Variants in PIEZO2 observed in about 807,000 individuals in gnomAD.
The protein encoded by PIEZO2 is piezo type mechanosensitive ion channel component 2, also known as piezo-type mechanosensitive ion channel component 2.
In PIEZO2, 172 loss-of-function variants were observed where a neutral mutation model predicts 337.3. The observed-to-expected ratio is 0.51, with a 90% confidence interval of 0.45 to 0.58. The LOEUF is 0.58. Among genes scored for constraint, PIEZO2 ranks in the 20% least tolerant of loss-of-function variants. The pLI, the probability that PIEZO2 is intolerant of heterozygous loss-of-function variation, is 0.00. For missense variants in PIEZO2, 3,028 were observed against 3,391.3 expected, an observed-to-expected ratio of 0.89 and a Z score of 2.66; for synonymous variants, 1,251 against 1,228.5, an observed-to-expected ratio of 1.02 and a Z score of -0.38.
chr18:10,692,170 T>G (rs998062203), intron 47 of PIEZO2, among the ~76,000 whole-genome samples: 1 of 151,672 alleles, frequency 6.6e-6, no homozygotes, highest in African/African-American at 2.4e-5. Context: ...TGAAAAAAAA[T>G]AGTAGAATTA....
Position 10,850,887 on chromosome 18 carries a change from T to C in PIEZO2, c.917+4466A>G, listed in dbSNP as rs1487944553. Among the ~76,000 whole-genome samples, 1 of 152,184 alleles carries C rather than the reference T, an allele frequency of 6.6e-6. No homozygotes were observed. Among genetic ancestry groups the C allele is most frequent in the Non-Finnish European group, 1.5e-5 (1 of 68,032 alleles). Reference sequence around the variant, plus strand: ...ATGACCAAAAAACATGTGTTTAGTATAACAGTGTGACAAAAAATATCAATT... The same window carrying C: ...ATGACCAAAAAACATGTGTTTAGTACAACAGTGTGACAAAAAATATCAATT... On this transcript the variant is annotated intron_variant, in intron 7 of 55. Coordinates refer to ENST00000674853, the MANE Select transcript of PIEZO2 (RefSeq NM_001378183.1). This position sits in a 1 kb window ranked among gnomAD's most constrained non-coding sequence, Gnocchi z 4.5.
At chr18:11,018,382 C>CGTGTGTGTGTGTGTGTGTGTGTGTGT in intron 2 of PIEZO2, among the ~76,000 whole-genome samples, 1 of 114,200 alleles carries the variant, frequency 8.8e-6, no homozygotes, top group East Asian at 2.7e-4. Context: ...CCCAACATGT[C>CGTGTGTGTGTGTGTGTGTGTGTGTGT]GTGTGTGTGT....
At position 11,099,598 on chromosome 18, in the gene PIEZO2, C is replaced by T. The variant is rs1230945915; in HGVS notation, c.65-33376G>A. Among the ~76,000 whole-genome samples, 1 of 152,154 alleles carries T rather than the reference C, an allele frequency of 6.6e-6. No individual in the cohort carries two copies. Among genetic ancestry groups the T allele is most frequent in the Non-Finnish European group, 1.5e-5 (1 of 68,034 alleles). ...TCTCTGGCCTTAGCCTCCCGAGTAG[C>T]GGGGATCACAGGTGCCTGCCACCAT... On this transcript the variant is annotated intron_variant, in intron 1 of 55. Coordinates refer to ENST00000674853, the MANE Select transcript of PIEZO2 (RefSeq NM_001378183.1). This position sits in a 1 kb window ranked among gnomAD's most constrained non-coding sequence, Gnocchi z 5.4.
Position 10,797,415 on chromosome 18 carries a change from T to A in PIEZO2, c.1486A>T (p.Ile496Phe). 1 of 1,537,212 alleles carries A rather than the reference T, an allele frequency of 6.5e-7. No homozygotes were observed. The highest frequency in any genetic ancestry group is 8.7e-7 in the Non-Finnish European group (1 of 1,146,904). ...VHAMVSVFQF[I>F]MKQSYICALI... ...GCACAGATGTAACTTTGTTTCATAA[T>A]AAATTGGAATACGGAGACCATGGCA... The change falls in exon 12 of 56, where the codon ATT becomes TTT. Residue 496 changes from isoleucine to phenylalanine, a missense_variant. Physicochemically the swap from Ile to Phe is conservative, Grantham distance 21 (BLOSUM62 0). Transcript: ENST00000674853.
At chr18:10,818,180 C>T (rs1330704018) in intron 7 of PIEZO2, among the ~76,000 whole-genome samples, 2 of 152,118 alleles carry the variant, frequency 1.3e-5, no homozygotes, top group Admixed American at 1.3e-4. Flanking sequence ...CGTTCCTTGT[C>T]ATCTCTGTTC....
At chr18:11,018,386 TG>T (rs2036197378) in intron 2 of PIEZO2, among the ~76,000 whole-genome samples, 1 of 20,752 alleles carries the variant, frequency 4.8e-5, no homozygotes, top group South Asian at 1.7e-3. Context: ...ACATGTCGTG[TG>T]TGTGTGTGTG....
At chr18:10,753,872 T>G (rs2037739990) in intron 27 of PIEZO2, among the ~76,000 whole-genome samples, 1 of 152,212 alleles carries the variant, frequency 6.6e-6, no homozygotes, top group South Asian at 2.1e-4. Context: ...TTTTCTAAAA[T>G]ACATAAAACC....
At position 10,982,395 on chromosome 18, in the gene PIEZO2, T is replaced by C. The variant is rs2034702151; in HGVS notation, c.161-2735A>G. Among the ~76,000 whole-genome samples, 1 of 151,820 alleles carries C rather than the reference T, an allele frequency of 6.6e-6. No individual in the cohort carries two copies. Among genetic ancestry groups the C allele is most frequent in the Non-Finnish European group, 1.5e-5 (1 of 67,954 alleles). On this transcript the variant is annotated intron_variant, in intron 2 of 55. Transcript: ENST00000674853. This position sits in a 1 kb window ranked among gnomAD's most constrained non-coding sequence, Gnocchi z 4.1. ...AAAAAAAAAATAGAAAAACAAATAA[T>C]AGGTATAAATAAGTGAAGAGATCTG...
At chr18:11,072,386 T>C (rs1598915250) in intron 1 of PIEZO2, among the ~76,000 whole-genome samples, 1 of 152,020 alleles carries the variant, frequency 6.6e-6, no homozygotes, top group Non-Finnish European at 1.5e-5. Flanking sequence ...AAATAGAACA[T>C]TTCTCTTTTT....
chr18:10,960,117 C>T (rs1468554003), intron 3 of PIEZO2, among the ~76,000 whole-genome samples: 2 of 152,092 alleles, frequency 1.3e-5, no homozygotes, highest in Non-Finnish European at 2.9e-5. Flanking sequence ...CTTGATCTGA[C>T]AGAAATGGGA....
intron 49 of PIEZO2, among the ~76,000 whole-genome samples, chr18:10,689,061 GAGAA>G (rs2034680875): frequency 6.6e-6 from 1 of 152,120 alleles, no homozygotes; most frequent in South Asian, 2.1e-4. Flanking sequence ...ATTTTGAGAC[GAGAA>G]AGAAAGACAT....
rs2036118945 is a variant in PIEZO2 at position 11,016,437 on chromosome 18, C to G, written c.161-36777G>C. Among the ~76,000 whole-genome samples the G allele has an allele frequency of 6.6e-6, 1 of 152,200 alleles. No homozygotes were observed. Among genetic ancestry groups the G allele is most frequent in the Admixed American group, 6.5e-5 (1 of 15,288 alleles). ...GAACCAAAACCCAGACAATTCCCTT[C>G]AGGGGCCCCAGAGAGAAAGTGAACC... On this transcript the variant is annotated intron_variant, in intron 2 of 55. Transcript: ENST00000674853. This position sits in a 1 kb window ranked among gnomAD's most constrained non-coding sequence, Gnocchi z 5.6.
intron 4 of PIEZO2, among the ~76,000 whole-genome samples, chr18:10,900,151 C>A (rs1180162496): frequency 2.0e-5 from 3 of 150,700 alleles, no homozygotes; most frequent in African/African-American, 7.3e-5. Flanking sequence ...TCTCAACAGC[C>A]TAAAAATATA....
intron 5 of PIEZO2, among the ~76,000 whole-genome samples, chr18:10,857,776 C>T (rs2041749387): frequency 6.6e-6 from 1 of 152,176 alleles, no homozygotes; most frequent in Non-Finnish European, 1.5e-5. Flanking sequence ...GAATGATACG[C>T]TGGTTCAAGC....
Position 11,021,201 on chromosome 18 carries a change from C to G in PIEZO2, c.161-41541G>C, listed in dbSNP as rs190943639. 6.6e-6 allele frequency among the ~76,000 whole-genome samples: 1 copy of G among 152,246 alleles called. No individual in the cohort carries two copies. Among genetic ancestry groups the G allele is most frequent in the East Asian group, 1.9e-4 (1 of 5,172 alleles). On this transcript the variant is annotated intron_variant, in intron 2 of 55. Coordinates refer to ENST00000674853, the MANE Select transcript of PIEZO2 (RefSeq NM_001378183.1). This position sits in a 1 kb window ranked among gnomAD's most constrained non-coding sequence, Gnocchi z 4.7. ...CTCCAAACCACACCATCTCAACCAG[C>G]TCAAAGTTACAACCTAACTCAACAG... is the stretch of plus-strand genomic sequence containing the variant.
chr18:11,114,672 A>C (rs963999717), intron 1 of PIEZO2, among the ~76,000 whole-genome samples: 17 of 152,112 alleles, frequency 1.1e-4, no homozygotes, highest in African/African-American at 4.1e-4. Flanking sequence ...CTTAAACAAA[A>C]AAAAAAAGGC....
intron 8 of PIEZO2, among the ~76,000 whole-genome samples, chr18:10,806,868 C>T (rs2040017613): frequency 6.6e-6 from 1 of 152,096 alleles, no homozygotes; most frequent in East Asian, 1.9e-4. Context: ...AATGAGTCTT[C>T]TGTTCTTCTC....
At chr18:11,090,707 C>G (rs1365655954) in intron 1 of PIEZO2, among the ~76,000 whole-genome samples, 1 of 151,892 alleles carries the variant, frequency 6.6e-6, no homozygotes, top group Non-Finnish European at 1.5e-5. Context: ...GTCAGGAGAT[C>G]AAGACCATCC....
intron 38 of PIEZO2, among the ~76,000 whole-genome samples, chr18:10,715,368 C>A (rs887456236): frequency 6.6e-6 from 1 of 152,082 alleles, no homozygotes; most frequent in Non-Finnish European, 1.5e-5. Context: ...GGATATAGAA[C>A]AAGGCAAAGT....
Sources: allele counts gnomAD v4.1 joint callset (sites outside exome capture counted in the v4.1 genomes callset), GRCh38; gene constraint gnomAD v4.1.1; non-coding constraint Gnocchi (gnomAD v3.1); transcripts MANE v1.5; gene names NCBI Gene and HGNC (gene_info 2026-07-23, HGNC 2026-07-21).